The following KIAA0825 variants were observed in gnomAD, a reference collection of about 807,000 sequenced individuals.
KIAA0825 encodes KIAA0825.
Under a neutral mutation model 147.6 loss-of-function variants are expected in KIAA0825, and 119 were observed. The observed-to-expected ratio is 0.81, with a 90% CI of 0.69 to 0.94. KIAA0825 has a LOEUF of 0.94. Ranked by LOEUF, KIAA0825 falls within the 40% of genes least tolerant of loss-of-function variation. The pLI is 0.00. For missense variants in KIAA0825, 1,381 were observed against 1,472.7 expected (o/e 0.94, Z 1.02); for synonymous variants, 470 against 518.1 (o/e 0.91, Z 1.26).
intron 13 of KIAA0825, 124 bp downstream of exon 13, chr5:94,452,835 T>C (rs2150909354): frequency 3.9e-6 from 2 of 514,150 alleles, no homozygotes; most frequent in East Asian, 3.5e-5. Context: ...TACCTGCCAA[T>C]TGTGAAAAGT....
chr5:94,183,456 G>A (rs951870719), intron 20 of KIAA0825, among the ~76,000 whole-genome samples: 6 of 152,152 alleles, frequency 3.9e-5, no homozygotes, highest in African/African-American at 1.4e-4. Flanking sequence ...TGATAAGAGT[G>A]TCATTTTATA....
chr5:94,601,122 T>C (rs910153107), intron 1 of KIAA0825, among the ~76,000 whole-genome samples: 8 of 152,320 alleles, frequency 5.3e-5, no homozygotes, highest in Admixed American at 2.0e-4. Flanking sequence ...TCCTCCTGGC[T>C]GGATGACCCC....
At chr5:94,296,043 T>A (rs1455019500) in intron 20 of KIAA0825, among the ~76,000 whole-genome samples, 1 of 152,110 alleles carries the variant, frequency 6.6e-6, no homozygotes, top group Non-Finnish European at 1.5e-5. Flanking sequence ...TTCAGGGAGA[T>A]GGGAATTTTA....
In KIAA0825 at chr5:94,506,863, A is replaced by G. The variant is rs574958744; in HGVS notation, c.970+13385T>C. Reference sequence around the variant, plus strand: ...AACACGCCACACTTCATTGGAATAAACCAGTTTCAGTACAAATTTATGAAA... The same window carrying G: ...AACACGCCACACTTCATTGGAATAAGCCAGTTTCAGTACAAATTTATGAAA... On this transcript the variant is annotated intron_variant, in intron 5 of 20. Coordinates refer to ENST00000682413, the MANE Select transcript of KIAA0825 (RefSeq NM_001145678.3). Among the ~76,000 whole-genome samples the G allele has an allele frequency of 5.3e-5, 8 of 152,298 alleles. No individual in the cohort carries two copies. In the South Asian group the frequency reaches 1.7e-3, roughly 32 times the overall value.
At chr5:94,616,394 C>T (rs1790495465) in intron 1 of KIAA0825, among the ~76,000 whole-genome samples, 2 of 150,290 alleles carry the variant, frequency 1.3e-5, no homozygotes, top group East Asian at 1.9e-4. Context: ...AAAGCATATT[C>T]CTGAAACTAT....
intron 20 of KIAA0825, among the ~76,000 whole-genome samples, chr5:94,311,319 G>A (rs1433287662): frequency 1.3e-5 from 2 of 151,102 alleles, no homozygotes; most frequent in Non-Finnish European, 1.5e-5. Flanking sequence ...AGAGCAGGGG[G>A]ACGAATCTGT....
At chr5:94,222,766 A>T (rs1016708829) in intron 20 of KIAA0825, among the ~76,000 whole-genome samples, 3 of 152,180 alleles carry the variant, frequency 2.0e-5, no homozygotes, top group Non-Finnish European at 2.9e-5. Context: ...TTATTCGACC[A>T]TATGCCAGAT....
intron 2 of KIAA0825, among the ~76,000 whole-genome samples, chr5:94,554,800 T>A (rs910146919): frequency 1.4e-4 from 20 of 143,300 alleles, no homozygotes; most frequent in African/African-American, 4.9e-4. Context: ...ATAGATAATA[T>A]TATAATCTTA....
At chr5:94,430,978 C>T (rs1755587038) in intron 14 of KIAA0825, among the ~76,000 whole-genome samples, 1 of 152,152 alleles carries the variant, frequency 6.6e-6, no homozygotes, top group Admixed American at 6.5e-5. Flanking sequence ...TTCTCAGGCA[C>T]AAAGATGTCC....
chr5:94,437,764 A>G (rs577276748), intron 14 of KIAA0825, among the ~76,000 whole-genome samples: 48 of 152,324 alleles, frequency 3.2e-4, no homozygotes, highest in Non-Finnish European at 5.0e-4. Flanking sequence ...TTTCTCTTAT[A>G]GGACCATGCC....
At chr5:94,548,231 C>T (rs1262744581) in intron 2 of KIAA0825, among the ~76,000 whole-genome samples, 2 of 151,964 alleles carry the variant, frequency 1.3e-5, no homozygotes, top group Admixed American at 1.3e-4. Context: ...GTAGACAGTA[C>T]AATAAGACAT....
At chr5:94,441,336 T>C (rs1278576077) in intron 13 of KIAA0825, among the ~76,000 whole-genome samples, 1 of 152,160 alleles carries the variant, frequency 6.6e-6, no homozygotes, top group Non-Finnish European at 1.5e-5. Flanking sequence ...TTCTGTTGCA[T>C]GCATGGTAAG....
rs895842456 is a variant in KIAA0825, at chr5:94,453,046, T to C, written c.2270A>G (p.Glu757Gly). 5 of 1,522,366 alleles carry C rather than the reference T, an allele frequency of 3.3e-6. No individual in the cohort carries two copies. The highest frequency in any genetic ancestry group is 4.4e-6 in the Non-Finnish European group (5 of 1,136,178). 94.3% of individuals were successfully genotyped at this position (1,522,366 alleles called of 1,614,324 possible). A position where few individuals can be genotyped will look rare whatever the true frequency, so the allele number is the denominator to read the frequency against. Residue 757 changes from glutamate (E) to glycine (G), a missense_variant, in exon 13 of 21, where the codon GAG becomes GGG. Physicochemically the swap from Glu to Gly is moderately conservative, Grantham distance 98. Transcript: ENST00000682413. ...LYKTFQHGLD[E>G]SASDSLKSFF... ...TGATTTTAAGGAATCTGAAGCAGAC[T>C]CATCCAGGCCATGCTGAAAAGTCCT...
chr5:94,556,940 G>C (rs1776644959), intron 2 of KIAA0825, among the ~76,000 whole-genome samples: 1 of 152,058 alleles, frequency 6.6e-6, no homozygotes, highest in Non-Finnish European at 1.5e-5. Flanking sequence ...GCACTATTCA[G>C]TACTGACAGC....
chr5:94,566,888 A>AT (rs529338501), intron 2 of KIAA0825, among the ~76,000 whole-genome samples: 5 of 151,600 alleles, frequency 3.3e-5, no homozygotes, highest in East Asian at 1.9e-4. Flanking sequence ...TACAGGTACT[A>AT]TTTTTTTTGG....
chr5:94,576,837 C>T (rs1341335052), intron 2 of KIAA0825, among the ~76,000 whole-genome samples: 3 of 152,038 alleles, frequency 2.0e-5, no homozygotes, highest in Non-Finnish European at 4.4e-5. Flanking sequence ...CTAACATCTC[C>T]TTAAATATGT....
At chr5:94,263,896 GA>G (rs1016851486) in intron 20 of KIAA0825, among the ~76,000 whole-genome samples, 59 of 152,212 alleles carry the variant, frequency 3.9e-4, no homozygotes, top group African/African-American at 1.4e-3. Context: ...AGTGAATTAC[GA>G]AAGTACAGAA....
chr5:94,186,030 G>C (rs930345446), intron 20 of KIAA0825, among the ~76,000 whole-genome samples: 1 of 152,128 alleles, frequency 6.6e-6, no homozygotes, highest in Non-Finnish European at 1.5e-5. Flanking sequence ...CTTTGGAAAG[G>C]TAATACAATG....
chr5:94,229,168 T>C (rs1464374551), intron 20 of KIAA0825, among the ~76,000 whole-genome samples: 1 of 152,250 alleles, frequency 6.6e-6, no homozygotes, highest in African/African-American at 2.4e-5. Flanking sequence ...TCCATTATTT[T>C]GCCAATGCAA....
Sources: gnomAD v4.1 joint callset for allele counts (sites outside exome capture counted in the v4.1 genomes callset) on GRCh38, gnomAD v4.1.1 for gene constraint, MANE v1.5 for transcripts, NCBI Gene and HGNC (gene_info 2026-07-23, HGNC 2026-07-21) for gene names.